PTK2: variants seen among roughly 807,000 people sequenced by gnomAD.
PTK2 encodes the protein focal adhesion kinase 1.
A neutral mutation model predicts 150.1 loss-of-function variants in PTK2; 45 were observed. The ratio of observed to expected loss-of-function variants is 0.30; its 90% confidence interval spans 0.24 to 0.38. The LOEUF (loss-of-function observed/expected upper bound fraction) is 0.38. Ranked by LOEUF, PTK2 falls within the 10% of genes least tolerant of loss-of-function variation. PTK2 has a pLI of 1.00. For synonymous variants in PTK2, 432 were observed against 449.2 expected, an observed-to-expected ratio of 0.96 and a Z score of 0.48; for missense variants, 919 against 1,307.3, an observed-to-expected ratio of 0.70 and a Z score of 4.58.
chr8:140,815,546 T>C (rs540768965), intron 10 of PTK2, among the ~76,000 whole-genome samples: 1 of 152,212 alleles, frequency 6.6e-6, no homozygotes, highest in Non-Finnish European at 1.5e-5. Flanking sequence ...AATCTGCCCA[T>C]GTACCCCTGA....
chr8:140,960,217 G>C (rs1198166939), intron 1 of PTK2, among the ~76,000 whole-genome samples: 4 of 45,766 alleles, frequency 8.7e-5, no homozygotes, highest in Admixed American at 7.4e-4. Context: ...TTTTTTTTTT[G>C]AGACGGAGTC....
rs761614175 is a variant in PTK2, at chr8:140,674,171, C to A, written c.2709+127G>T. On this transcript the variant is annotated intron_variant, in intron 29 of 31. Transcript: ENST00000522684. ...ACCAATTGACTCCTGGGTCTCACTG[C>A]AGTTCCACTCTGCACTGTTCTATTT... 3 of 947,536 alleles carry A rather than the reference C, an allele frequency of 3.2e-6. No individual in the cohort carries two copies. The South Asian group carries it at 3.9e-5, about 12-fold the overall frequency. 58.7% of individuals were successfully genotyped at this position (947,536 alleles called of 1,614,324 possible). A position where few individuals can be genotyped will look rare whatever the true frequency, so the allele number is the denominator to read the frequency against.
chr8:140,839,515 C>A (rs1372736518), intron 7 of PTK2, among the ~76,000 whole-genome samples: 1 of 151,796 alleles, frequency 6.6e-6, no homozygotes, highest in Non-Finnish European at 1.5e-5. Context: ...GATGGGCATA[C>A]CAGAGGTTAC....
intron 14 of PTK2, among the ~76,000 whole-genome samples, chr8:140,779,245 GAA>G (rs140826832): frequency 1.8e-5 from 2 of 112,028 alleles, no homozygotes; most frequent in Non-Finnish European, 3.8e-5. Context: ...CTGGGCGATG[GAA>G]AAAAAAAAAA....
At chr8:140,717,070 C>A (rs2154261639) in intron 23 of PTK2, among the ~76,000 whole-genome samples, 1 of 152,278 alleles carries the variant, frequency 6.6e-6, no homozygotes, top group Admixed American at 6.5e-5. Context: ...GCCGGAAGAT[C>A]TTATTAAGGA....
chr8:140,931,747 C>G (rs931395143), intron 1 of PTK2, among the ~76,000 whole-genome samples: 1 of 151,562 alleles, frequency 6.6e-6, no homozygotes, highest in African/African-American at 2.4e-5. Context: ...CCAGCCTAGG[C>G]AACATAGTGA....
At chr8:140,717,077 A>G (rs1207575700) in intron 23 of PTK2, among the ~76,000 whole-genome samples, 1 of 152,232 alleles carries the variant, frequency 6.6e-6, no homozygotes, top group Non-Finnish European at 1.5e-5. Context: ...GATCTTATTA[A>G]GGAAACAAAA....
intron 4 of PTK2, among the ~76,000 whole-genome samples, chr8:140,876,607 T>C (rs929497382): frequency 1.2e-3 from 183 of 152,328 alleles, no homozygotes; most frequent in African/African-American, 4.3e-3. Flanking sequence ...CATTATCTCT[T>C]GGGATTATCT....
chr8:140,816,447 G>A (rs932198657), intron 10 of PTK2, among the ~76,000 whole-genome samples: 1 of 152,208 alleles, frequency 6.6e-6, no homozygotes, highest in Non-Finnish European at 1.5e-5. Context: ...AATCAGTGAT[G>A]GCAGAAGTCA....
intron 3 of PTK2, among the ~76,000 whole-genome samples, chr8:140,888,760 T>A (rs1299073048): frequency 8.2e-6 from 1 of 121,668 alleles, no homozygotes; most frequent in East Asian, 2.2e-4. Context: ...GATGTAAGTC[T>A]TGAACATTTT....
At chr8:140,728,109 G>T (rs1565192479) in intron 22 of PTK2, among the ~76,000 whole-genome samples, 1 of 136,328 alleles carries the variant, frequency 7.3e-6, no homozygotes, top group Non-Finnish European at 1.6e-5. Flanking sequence ...TGAGGCAAGA[G>T]AATTGCTTGA....
chr8:140,895,218 C>G (rs1359814960), intron 2 of PTK2, among the ~76,000 whole-genome samples: 2 of 152,132 alleles, frequency 1.3e-5, no homozygotes. Flanking sequence ...GTAGACAGAG[C>G]TATACTTAGA....
At chr8:140,849,296 T>C (rs1052149861) in intron 5 of PTK2, among the ~76,000 whole-genome samples, 1 of 152,138 alleles carries the variant, frequency 6.6e-6, no homozygotes, top group African/African-American at 2.4e-5. Flanking sequence ...GAAAGCAAAC[T>C]CTATTCAGTG....
Position 140,664,437 on chromosome 8 carries a change from G to T in PTK2, c.2946+480C>A, listed in dbSNP as rs550913388. Among the ~76,000 whole-genome samples the T allele has an allele frequency of 7.2e-5, 11 of 152,278 alleles. No homozygotes were observed. In the East Asian group the frequency reaches 1.9e-3, roughly 27 times the overall value. On this transcript the variant is annotated intron_variant, in intron 31 of 31. Transcript: ENST00000522684. The stretch of plus-strand genomic sequence containing the variant: ...GTGAGCTACCATGCCTGGCCTAAAA[G>T]AAATTTTTTATATTACTACTTGAAA...
intron 1 of PTK2, among the ~76,000 whole-genome samples, chr8:140,945,532 G>A (rs941468633): frequency 2.0e-5 from 3 of 152,062 alleles, no homozygotes; most frequent in African/African-American, 7.2e-5. Flanking sequence ...GTTACAGTAA[G>A]CTATGAACAT....
At chr8:140,662,470 TG>T (rs1376036122) in intron 31 of PTK2, among the ~76,000 whole-genome samples, 1 of 152,284 alleles carries the variant, frequency 6.6e-6, no homozygotes, top group African/African-American at 2.4e-5. Flanking sequence ...CTCTAGCATA[TG>T]GAACTTCTCC....
At chr8:140,777,907 T>C (rs1011123579) in intron 14 of PTK2, among the ~76,000 whole-genome samples, 1 of 152,200 alleles carries the variant, frequency 6.6e-6, no homozygotes, top group Non-Finnish European at 1.5e-5. Flanking sequence ...CTTTTCCTTA[T>C]ACCCAATCAC....
chr8:140,910,624 A>G (rs2100162762), intron 2 of PTK2, among the ~76,000 whole-genome samples: 1 of 152,182 alleles, frequency 6.6e-6, no homozygotes, highest in Non-Finnish European at 1.5e-5. Context: ...GAAATTAAGA[A>G]TACAGCGAAT....
chr8:140,907,638 C>G (rs890895850), intron 2 of PTK2, among the ~76,000 whole-genome samples: 1 of 152,190 alleles, frequency 6.6e-6, no homozygotes, highest in Admixed American at 6.5e-5. Context: ...ATTTTCCCAA[C>G]AGCATATGCC....
Sources: allele counts gnomAD v4.1 joint callset (sites outside exome capture counted in the v4.1 genomes callset), GRCh38; gene constraint gnomAD v4.1.1; transcripts MANE v1.5; gene names NCBI Gene and HGNC (gene_info 2026-07-23, HGNC 2026-07-21).